The following CNTNAP5 variants were observed in gnomAD, a reference collection of about 807,000 sequenced individuals.
CNTNAP5 encodes the protein contactin-associated protein-like 5.
A neutral mutation model predicts 150.2 loss-of-function variants in CNTNAP5; 72 were observed. That is an observed-to-expected ratio of 0.48 (90% CI 0.40 to 0.58). The LOEUF is 0.58. Ranked by LOEUF, CNTNAP5 falls within the 20% of genes least tolerant of loss-of-function variation. The pLI, the probability that CNTNAP5 is intolerant of heterozygous loss-of-function variation, is 0.00. For synonymous variants in CNTNAP5, 672 were observed against 619.8 expected, an observed-to-expected ratio of 1.08 and a Z score of -1.25; for missense variants, 1,636 against 1,626.2, an observed-to-expected ratio of 1.01 and a Z score of -0.10.
intron 19 of CNTNAP5, among the ~76,000 whole-genome samples, chr2:124,841,246 G>A (rs1354462409): frequency 2.0e-5 from 3 of 152,036 alleles, no homozygotes; most frequent in Non-Finnish European, 4.4e-5. Context: ...AAAAGTCATA[G>A]CTCAAAAGAA....
intron 13 of CNTNAP5, among the ~76,000 whole-genome samples, chr2:124,659,861 G>T (rs377424247): frequency 6.6e-6 from 1 of 152,122 alleles, no homozygotes; most frequent in Non-Finnish European, 1.5e-5. Flanking sequence ...ACACAACATG[G>T]GTAGAAGTCA....
intron 3 of CNTNAP5, among the ~76,000 whole-genome samples, chr2:124,389,285 A>G (rs1442481354): frequency 6.6e-6 from 1 of 152,210 alleles, no homozygotes; most frequent in African/African-American, 2.4e-5. Flanking sequence ...AAATATTAAT[A>G]TAATTCACTG....
At chr2:124,797,680 A>G (rs1342560517) in intron 18 of CNTNAP5, among the ~76,000 whole-genome samples, 1 of 152,184 alleles carries the variant, frequency 6.6e-6, no homozygotes, top group African/African-American at 2.4e-5. Flanking sequence ...ACAAACTAGA[A>G]CTGTCAGGTT....
At chr2:124,881,588 C>T (rs566517429) in intron 21 of CNTNAP5, among the ~76,000 whole-genome samples, 1 of 152,212 alleles carries the variant, frequency 6.6e-6, no homozygotes, top group Non-Finnish European at 1.5e-5. Flanking sequence ...AAATCCCTGT[C>T]ATCAAGAACA....
intron 13 of CNTNAP5, among the ~76,000 whole-genome samples, chr2:124,739,010 A>G (rs558933488): frequency 3.2e-4 from 48 of 152,288 alleles, no homozygotes; most frequent in Non-Finnish European, 5.1e-4. Flanking sequence ...CACGTTGTCC[A>G]TCTCTTTGTC....
At chr2:124,138,988 C>T (rs944999544) in intron 1 of CNTNAP5, among the ~76,000 whole-genome samples, 2 of 152,116 alleles carry the variant, frequency 1.3e-5, no homozygotes, top group African/African-American at 4.8e-5. Context: ...CAGTACTCTA[C>T]TAGGGTGCTA....
intron 1 of CNTNAP5, among the ~76,000 whole-genome samples, chr2:124,122,473 C>T (rs984230600): frequency 2.0e-5 from 3 of 152,144 alleles, no homozygotes; most frequent in African/African-American, 7.2e-5. Flanking sequence ...TAAATCCAGG[C>T]CCAAGAGAGC....
At chr2:124,249,664 A>G (rs1687124189) in intron 3 of CNTNAP5, among the ~76,000 whole-genome samples, 1 of 152,186 alleles carries the variant, frequency 6.6e-6, no homozygotes, top group South Asian at 2.1e-4. Flanking sequence ...CCTAGAATAT[A>G]TAAAACCAAT....
At chr2:124,698,164 C>A (rs1344484119) in intron 13 of CNTNAP5, among the ~76,000 whole-genome samples, 1 of 152,036 alleles carries the variant, frequency 6.6e-6, no homozygotes, top group Non-Finnish European at 1.5e-5. Context: ...TCCTTTCCTG[C>A]AGCATGCAAA....
chr2:124,372,910 A>G (rs1306065174), intron 3 of CNTNAP5, among the ~76,000 whole-genome samples: 1 of 152,156 alleles, frequency 6.6e-6, no homozygotes. Context: ...TATGCATGTG[A>G]GGAAGATATG....
At chr2:124,809,768 T>C (rs1682165152) in intron 19 of CNTNAP5, among the ~76,000 whole-genome samples, 2 of 152,150 alleles carry the variant, frequency 1.3e-5, no homozygotes, top group Admixed American at 1.3e-4. Context: ...TAATGTCCAA[T>C]ATCTAATAGT....
intron 11 of CNTNAP5, among the ~76,000 whole-genome samples, chr2:124,564,772 G>T (rs896679015): frequency 1.3e-5 from 2 of 152,222 alleles, no homozygotes; most frequent in African/African-American, 4.8e-5. Flanking sequence ...GACTATAAGT[G>T]TGATTGAGAA....
chr2:124,501,471 C>A (rs1450538337), intron 7 of CNTNAP5, among the ~76,000 whole-genome samples: 1 of 152,110 alleles, frequency 6.6e-6, no homozygotes, highest in Non-Finnish European at 1.5e-5. Context: ...GGCCACTGAC[C>A]ATTTGCCATG....
intron 2 of CNTNAP5, among the ~76,000 whole-genome samples, chr2:124,236,059 G>A (rs939725051): frequency 2.0e-5 from 3 of 151,834 alleles, no homozygotes; most frequent in Non-Finnish European, 2.9e-5. Flanking sequence ...TCTGCTTCCC[G>A]GGTTCAAGTG....
At chr2:124,159,727 G>C (rs1213803057) in intron 1 of CNTNAP5, among the ~76,000 whole-genome samples, 1 of 152,126 alleles carries the variant, frequency 6.6e-6, no homozygotes, top group Non-Finnish European at 1.5e-5. Flanking sequence ...ACTAAGTAAA[G>C]ATGAATAAGA....
At chr2:124,602,324 G>A (rs1204220091) in intron 11 of CNTNAP5, among the ~76,000 whole-genome samples, 3 of 111,300 alleles carry the variant, frequency 2.7e-5, no homozygotes, top group Non-Finnish European at 5.1e-5. Context: ...CCTGGCGACA[G>A]AGCAAGACTT....
chr2:124,584,041 A>C (rs1231589802), intron 11 of CNTNAP5, among the ~76,000 whole-genome samples: 2 of 152,310 alleles, frequency 1.3e-5, no homozygotes, highest in Admixed American at 6.5e-5. Flanking sequence ...TGATGAGAAG[A>C]CAACAGCTTT....
At chr2:124,866,649 G>A (rs1677637897) in intron 20 of CNTNAP5, among the ~76,000 whole-genome samples, 1 of 152,072 alleles carries the variant, frequency 6.6e-6, no homozygotes, top group South Asian at 2.1e-4. Context: ...TTGTGTGGGA[G>A]GCACCCCATG....
intron 11 of CNTNAP5, among the ~76,000 whole-genome samples, chr2:124,566,624 G>C (rs1271742446): frequency 1.3e-5 from 2 of 152,166 alleles, no homozygotes; most frequent in Non-Finnish European, 2.9e-5. Context: ...CTCTATCTTT[G>C]CTTCTGGGCA....
Sources: gnomAD v4.1 joint callset for allele counts (sites outside exome capture counted in the v4.1 genomes callset) on GRCh38, gnomAD v4.1.1 for gene constraint, MANE v1.5 for transcripts, NCBI Gene and HGNC (gene_info 2026-07-23, HGNC 2026-07-21) for gene names.